Variants in PI4K2A observed in about 807,000 individuals in gnomAD.
PI4K2A encodes the protein phosphatidylinositol 4-kinase type 2-alpha.
PI4K2A carries 20 observed loss-of-function variants against 55.0 expected under a neutral mutation model. That is an observed-to-expected ratio of 0.36 (90% CI 0.26 to 0.53). The LOEUF (loss-of-function observed/expected upper bound fraction) is 0.53, where lower values mean the gene tolerates loss of function less well. Ranked by LOEUF, PI4K2A falls within the 20% of genes least tolerant of loss-of-function variation. The pLI, the probability that PI4K2A is intolerant of heterozygous loss-of-function variation, is 0.91. For synonymous variants in PI4K2A, 235 were observed against 258.5 expected, an observed-to-expected ratio of 0.91 and a Z score of 0.87; for missense variants, 463 against 637.1, an observed-to-expected ratio of 0.73 and a Z score of 2.94.
At chr10:97,669,380 G>T (rs887230322) in intron 8 of PI4K2A, among the ~76,000 whole-genome samples, 8 of 152,154 alleles carry the variant, frequency 5.3e-5, no homozygotes, top group African/African-American at 1.7e-4. Flanking sequence ...TGTCCGTATT[G>T]CAATGTCTTA....
At chr10:97,658,978 C>T (rs2041568320) in intron 4 of PI4K2A, among the ~76,000 whole-genome samples, 1 of 152,156 alleles carries the variant, frequency 6.6e-6, no homozygotes, top group African/African-American at 2.4e-5. Context: ...GTATATCTGG[C>T]TATTAATCCC....
intron 1 of PI4K2A, among the ~76,000 whole-genome samples, chr10:97,646,936 G>A (rs958473805): frequency 6.6e-6 from 1 of 151,858 alleles, no homozygotes; most frequent in African/African-American, 2.4e-5. Context: ...CACCATGCCC[G>A]GCTAATTTTT....
chr10:97,640,979 G>T (rs913831201), exon 1 of PI4K2A: 11 of 1,527,334 alleles, frequency 7.2e-6, no homozygotes, highest in African/African-American at 1.4e-5. Context: ...CCGTGGCGGC[G>T]CAGGCCCAGG....
chr10:97,653,916 CA>C (rs112944042), intron 2 of PI4K2A, among the ~76,000 whole-genome samples: 37 of 147,452 alleles, frequency 2.5e-4, no homozygotes, highest in Non-Finnish European at 3.0e-4. Context: ...GACTCCGTCT[CA>C]AAAAAAAAAA....
At chr10:97,642,823 C>T (rs1309169968) in intron 1 of PI4K2A, among the ~76,000 whole-genome samples, 1 of 16,632 alleles carries the variant, frequency 6.0e-5, no homozygotes, top group African/African-American at 9.8e-5. Context: ...TCCTTCCTTC[C>T]TTCCTTCCTT....
At chr10:97,655,584 T>G (rs1430280808) in intron 2 of PI4K2A, among the ~76,000 whole-genome samples, 1 of 151,696 alleles carries the variant, frequency 6.6e-6, no homozygotes, top group African/African-American at 2.4e-5. Context: ...TTTATCATAT[T>G]TTTTTTGGGA....
intron 4 of PI4K2A, among the ~76,000 whole-genome samples, chr10:97,661,116 C>T (rs375686790): frequency 1.1e-4 from 16 of 152,172 alleles, no homozygotes; most frequent in South Asian, 1.0e-3. Flanking sequence ...CTCAGCCTCC[C>T]GAGTAGCTGG....
exon 1 of PI4K2A, chr10:97,640,804 C>G (rs1002762089): frequency 1.3e-6 from 2 of 1,484,280 alleles, no homozygotes; most frequent in Non-Finnish European, 1.8e-6. Context: ...TACACCTTCC[C>G]GTCGGGCTCG....
At chr10:97,645,175 A>G (rs981838107) in intron 1 of PI4K2A, among the ~76,000 whole-genome samples, 39 of 152,280 alleles carry the variant, frequency 2.6e-4, no homozygotes, top group African/African-American at 8.9e-4. Flanking sequence ...CTAGGTTAAG[A>G]GGATTAAATG....
At chr10:97,651,767 C>T (rs993301955) in intron 2 of PI4K2A, among the ~76,000 whole-genome samples, 1 of 151,670 alleles carries the variant, frequency 6.6e-6, no homozygotes, top group Non-Finnish European at 1.5e-5. Flanking sequence ...TCTCCCCCAA[C>T]CCCCACCCCC....
At chr10:97,672,098 A>T (rs925162464) in intron 8 of PI4K2A, among the ~76,000 whole-genome samples, 2 of 150,614 alleles carry the variant, frequency 1.3e-5, no homozygotes, top group African/African-American at 4.9e-5. Context: ...GCTGGAGTGC[A>T]GTGGCGCAGT....
At chr10:97,672,975 G>A (rs1184895815) in intron 8 of PI4K2A, among the ~76,000 whole-genome samples, 1 of 147,252 alleles carries the variant, frequency 6.8e-6, no homozygotes, top group South Asian at 2.1e-4. Flanking sequence ...AGTGTTTTTT[G>A]TGTTTTTTTT....
chr10:97,660,251 T>C (rs1385725691), intron 4 of PI4K2A, among the ~76,000 whole-genome samples: 5 of 150,966 alleles, frequency 3.3e-5, no homozygotes, highest in African/African-American at 1.2e-4. Flanking sequence ...TCTGCCCGCC[T>C]TGGCCTCCCA....
exon 9 of PI4K2A, chr10:97,673,597 A>C: frequency 6.2e-7 from 1 of 1,614,080 alleles, no homozygotes; most frequent in Non-Finnish European, 8.5e-7. Context: ...AATCTGACCC[A>C]GGCCTTGAAA....
At chr10:97,660,085 T>C (rs1269784289) in intron 4 of PI4K2A, among the ~76,000 whole-genome samples, 4 of 142,256 alleles carry the variant, frequency 2.8e-5, no homozygotes, top group Non-Finnish European at 4.6e-5. Context: ...CACTGCAACC[T>C]CCGCCTCCCG....
chr10:97,675,914 C>G (rs1400629122), exon 9 of PI4K2A: 1 of 152,682 alleles, frequency 6.5e-6, no homozygotes, highest in Non-Finnish European at 1.5e-5. Flanking sequence ...GCCATAGGCC[C>G]TGCCTCCAGT....
At chr10:97,671,587 T>G (rs1006769996) in intron 8 of PI4K2A, among the ~76,000 whole-genome samples, 13 of 152,268 alleles carry the variant, frequency 8.5e-5, no homozygotes, top group African/African-American at 2.9e-4. Context: ...GATGAAGAGA[T>G]AGTGTTAGAA....
exon 8 of PI4K2A, chr10:97,667,101 T>C (rs772713485): frequency 6.8e-6 from 11 of 1,613,472 alleles, no homozygotes; most frequent in South Asian, 5.5e-5. Flanking sequence ...CATAAGCAGA[T>C]TGCTGTCATG....
intron 1 of PI4K2A, among the ~76,000 whole-genome samples, chr10:97,642,863 CTTTTTCTTT>C (rs2041481967): frequency 5.2e-5 from 4 of 77,002 alleles, no homozygotes; most frequent in East Asian, 3.0e-4. Flanking sequence ...TTCTTTCTTT[CTTTTTCTTT>C]CTTTCTTTCT....
Sources: gnomAD v4.1 joint callset for allele counts (sites outside exome capture counted in the v4.1 genomes callset) on GRCh38, gnomAD v4.1.1 for gene constraint, MANE v1.5 for transcripts, NCBI Gene and HGNC (gene_info 2026-07-23, HGNC 2026-07-21) for gene names.